Variants in PSPC1 observed in about 807,000 individuals in gnomAD.
PSPC1 encodes the protein paraspeckle protein 1.
PSPC1 carries 14 observed loss-of-function variants against 51.6 expected under a neutral mutation model. The observed-to-expected ratio is 0.27, with a 90% confidence interval of 0.18 to 0.42. The LOEUF (loss-of-function observed/expected upper bound fraction) is 0.42. Ranked by LOEUF, PSPC1 falls within the 10% of genes least tolerant of loss-of-function variation. The probability of loss-of-function intolerance (pLI) is 1.00; values close to 1 mark genes in which losing one functional copy is unlikely to be tolerated. For synonymous variants in PSPC1, 193 were observed against 231.9 expected (o/e 0.83, Z 1.53); for missense variants, 406 against 701.1 (o/e 0.58, Z 4.75).
At chr13:19,674,035 G>C (rs1876338249), downstream of PSPC1, among the ~76,000 whole-genome samples, 1 of 152,208 alleles carries the variant, frequency 6.6e-6, no homozygotes, top group Admixed American at 6.5e-5. Flanking sequence ...TCAGTTCGTG[G>C]CCTAGGACAT....
intron 6 of PSPC1, among the ~76,000 whole-genome samples, chr13:19,710,015 T>C (rs1881193054): frequency 6.6e-6 from 1 of 152,254 alleles, no homozygotes; most frequent in Admixed American, 6.5e-5. Flanking sequence ...CAAGTTCATG[T>C]TGAAATGTAT....
chr13:19,689,125 T>C (rs564965214), intron 6 of PSPC1, among the ~76,000 whole-genome samples: 1 of 152,222 alleles, frequency 6.6e-6, no homozygotes, highest in Non-Finnish European at 1.5e-5. Context: ...CAATTAATGA[T>C]AATCCAGCCA....
At chr13:19,734,314 A>T (rs1342173484) in intron 5 of PSPC1, among the ~76,000 whole-genome samples, 3 of 152,208 alleles carry the variant, frequency 2.0e-5, no homozygotes, top group African/African-American at 7.2e-5. Context: ...AAACTAATAA[A>T]ATTTCAATTT....
At chr13:19,694,306 T>G (rs1878956469) in intron 6 of PSPC1, among the ~76,000 whole-genome samples, 1 of 151,930 alleles carries the variant, frequency 6.6e-6, no homozygotes, top group South Asian at 2.1e-4. Flanking sequence ...AAAATTAAAA[T>G]GTGACTAAAT....
At chr13:19,745,416 G>T (rs1227415300) in intron 4 of PSPC1, among the ~76,000 whole-genome samples, 1 of 151,986 alleles carries the variant, frequency 6.6e-6, no homozygotes, top group South Asian at 2.1e-4. Flanking sequence ...TACAGGTACA[G>T]AAAAAAGGAA....
At chr13:19,718,296 A>C (rs1882367721) in intron 6 of PSPC1, among the ~76,000 whole-genome samples, 1 of 152,218 alleles carries the variant, frequency 6.6e-6, no homozygotes, top group African/African-American at 2.4e-5. Context: ...CAATACATGC[A>C]TTCCTAAATA....
intron 6 of PSPC1, among the ~76,000 whole-genome samples, chr13:19,715,094 G>T (rs918822909): frequency 1.3e-5 from 2 of 152,130 alleles, no homozygotes; most frequent in Non-Finnish European, 2.9e-5. Context: ...GTACAAGAAA[G>T]CGACTCTTAA....
chr13:19,713,579 C>T (rs1052737471), intron 6 of PSPC1, among the ~76,000 whole-genome samples: 15 of 143,654 alleles, frequency 1.0e-4, no homozygotes, highest in Middle Eastern at 3.8e-3. Context: ...TTCCAACAGT[C>T]GAAGCCTAAC....
At chr13:19,749,184 T>G (rs1886283607) in intron 4 of PSPC1, among the ~76,000 whole-genome samples, 1 of 151,962 alleles carries the variant, frequency 6.6e-6, no homozygotes, top group African/African-American at 2.4e-5. Flanking sequence ...CCATCTCTAC[T>G]AAAAATACAA....
exon 7 of PSPC1, chr13:19,677,799 T>A (rs779808315): frequency 6.1e-6 from 3 of 491,418 alleles, no homozygotes; most frequent in Non-Finnish European, 1.2e-5. Context: ...TTCGGGTAAC[T>A]TCAGCCACAT....
chr13:19,700,166 TA>T (rs1879733170), downstream of PSPC1, among the ~76,000 whole-genome samples: 1 of 152,094 alleles, frequency 6.6e-6, no homozygotes, highest in Admixed American at 6.5e-5. Flanking sequence ...TAATGACTAC[TA>T]ATCATTCACA....
intron 4 of PSPC1, among the ~76,000 whole-genome samples, chr13:19,746,393 C>T (rs1166860832): frequency 6.6e-6 from 1 of 151,594 alleles, no homozygotes; most frequent in African/African-American, 2.4e-5. Context: ...CAGAGCGAGA[C>T]TCCGTCTCTA....
chr13:19,730,977 A>AC (rs1884034691), intron 5 of PSPC1, among the ~76,000 whole-genome samples: 1 of 142,886 alleles, frequency 7.0e-6, no homozygotes, highest in Non-Finnish European at 1.6e-5. Context: ...AAAAAAAAAA[A>AC]AACAGAAAAA....
At position 19,746,710 on chromosome 13, in the gene PSPC1, T is replaced by A. The variant is rs574773023; in HGVS notation, c.967+4561A>T. 2.1e-3 allele frequency among the ~76,000 whole-genome samples: 315 copies of A among 150,470 alleles called. 1 individual carries two copies. The highest frequency in any genetic ancestry group is 4.7e-3 in the Admixed American group (71 of 15,108). ...AGTGAGACTCCATCTCAAAAAAAAATTTTTTTTTAATGTAATGGGAGTTGA... is the reference window on the plus strand; with the variant it reads ...AGTGAGACTCCATCTCAAAAAAAAAATTTTTTTTAATGTAATGGGAGTTGA... On this transcript the variant is annotated intron_variant, in intron 4 of 8. Coordinates refer to ENST00000338910, the MANE Select transcript of PSPC1 (RefSeq NM_001354909.2).
At chr13:19,766,421 G>A (rs1322198645) in intron 2 of PSPC1, among the ~76,000 whole-genome samples, 3 of 152,100 alleles carry the variant, frequency 2.0e-5, no homozygotes, top group African/African-American at 2.4e-5. Context: ...AGCCAAGAGC[G>A]GTGGCTTGTG....
chr13:19,732,063 C>CT (rs1460178554), intron 5 of PSPC1, among the ~76,000 whole-genome samples: 1 of 152,162 alleles, frequency 6.6e-6, no homozygotes, highest in Non-Finnish European at 1.5e-5. Context: ...CCCGCTAAAT[C>CT]TGAGTCCACT....
chr13:19,713,815 A>C (rs1469265822), intron 6 of PSPC1, among the ~76,000 whole-genome samples: 1 of 152,164 alleles, frequency 6.6e-6, no homozygotes, highest in Non-Finnish European at 1.5e-5. Context: ...GTACACTAAG[A>C]GTCCCCAAAA....
chr13:19,690,373 T>A (rs1351819450), intron 6 of PSPC1, among the ~76,000 whole-genome samples: 2 of 152,206 alleles, frequency 1.3e-5, no homozygotes, highest in Non-Finnish European at 2.9e-5. Flanking sequence ...AGAAGACCCT[T>A]CTGAGCATTT....
At chr13:19,673,067 A>G (rs114056778), downstream of PSPC1, 1,787 of 441,818 alleles carry the variant, frequency 4.0e-3, 31 homozygotes, top group African/African-American at 0.034. Context: ...AAAAAAAAAA[A>G]AGTTTCTTGG....
Sources: gnomAD v4.1 joint callset for allele counts (sites outside exome capture counted in the v4.1 genomes callset) on GRCh38, gnomAD v4.1.1 for gene constraint, MANE v1.5 for transcripts, NCBI Gene and HGNC (gene_info 2026-07-23, HGNC 2026-07-21) for gene names.